The following CFAP52 variants were observed in gnomAD, a reference collection of about 807,000 sequenced individuals.
The protein encoded by CFAP52 is cilia- and flagella-associated protein 52.
Under a neutral mutation model 70.5 loss-of-function variants are expected in CFAP52, and 57 were observed. The observed-to-expected ratio is 0.81, with a 90% CI of 0.65 to 1.01. CFAP52 has a LOEUF of 1.01. Among genes scored for constraint, CFAP52 ranks in the 50% least tolerant of loss-of-function variants. The probability of loss-of-function intolerance (pLI) is 0.00; values close to 1 mark genes in which losing one functional copy is unlikely to be tolerated. For missense variants in CFAP52, 785 were observed against 788.5 expected (o/e 1.00, Z 0.05); for synonymous variants, 267 against 292.5 (o/e 0.91, Z 0.89).
intron 5 of CFAP52, chr17:9,598,559 C>T (rs760164540): frequency 8.4e-5 from 26 of 309,864 alleles, no homozygotes; most frequent in Middle Eastern, 8.7e-4. Context: ...GTCATGAGTT[C>T]GAGACCAGCC....
At chr17:9,624,073 T>C (rs924056859) in intron 8 of CFAP52, among the ~76,000 whole-genome samples, 59 of 152,216 alleles carry the variant, frequency 3.9e-4, no homozygotes, top group African/African-American at 1.4e-3. Flanking sequence ...TTTTCTTCTT[T>C]ATAATATGTC....
chr17:9,584,400 TA>T, intron 1 of CFAP52: 8 of 1,263,960 alleles, frequency 6.3e-6, no homozygotes, highest in South Asian at 1.3e-5. Context: ...AACCGAAAGT[TA>T]AAAAAATTAT....
At position 9,585,768 on chromosome 17, in the gene CFAP52, T is replaced by C; in HGVS notation, c.71-5T>C. ...TTATTATTACTGTGAATCTCTCTCT[T>C]TTAGGACATGTGCCCACTGGTCTCA... On this transcript the variant is annotated splice_region_variant and splice_polypyrimidine_tract_variant and intron_variant, in intron 1 of 13. Coordinates refer to ENST00000352665, the MANE Select transcript of CFAP52 (RefSeq NM_145054.5). 6.2e-7 allele frequency: 1 copy of C among 1,614,074 alleles called. No homozygotes were observed. Among genetic ancestry groups the C allele is most frequent in the East Asian group, 2.2e-5 (1 of 44,884 alleles).
intron 6 of CFAP52, 53 bp from the exon 7 acceptor site, chr17:9,608,066 G>T (rs945718411): frequency 6.8e-7 from 1 of 1,481,434 alleles, no homozygotes; most frequent in Non-Finnish European, 9.3e-7. Flanking sequence ...ACATTCTTTA[G>T]TGGTGATTTG....
At chr17:9,603,266 T>C (rs754520869) in intron 6 of CFAP52, among the ~76,000 whole-genome samples, 43 of 152,204 alleles carry the variant, frequency 2.8e-4, no homozygotes, top group African/African-American at 1.0e-3. Flanking sequence ...TGGAGTGCAG[T>C]GGCACTATCT....
At chr17:9,589,162 A>G (rs868025077) in intron 3 of CFAP52, among the ~76,000 whole-genome samples, 1 of 152,232 alleles carries the variant, frequency 6.6e-6, no homozygotes, top group East Asian at 1.9e-4. Flanking sequence ...AGACATTCCT[A>G]TGTAAATGTC....
rs751394782 is a variant in CFAP52 at position 9,586,731 on chromosome 17, G to A, written c.304G>A (p.Glu102Lys). Residue 102 changes from glutamate to lysine, a missense_variant, in exon 3 of 14, where the codon GAG (glutamate) becomes AAG (lysine). Glu to Lys is a moderately conservative substitution (Grantham distance 56). Transcript: ENST00000352665. ...DIILWDYKNR[E>K]LLARLSLHKG... ...CATTTTGTGGGATTATAAGAACAGAGAGCTGCTTGCTCGGCTGTCCCTTCA... is the reference window on the plus strand; with the variant it reads ...CATTTTGTGGGATTATAAGAACAGAAAGCTGCTTGCTCGGCTGTCCCTTCA... 1 of 1,613,474 alleles carries A rather than the reference G, an allele frequency of 6.2e-7. No individual in the cohort carries two copies. Among genetic ancestry groups the A allele is most frequent in the African/African-American group, 1.3e-5 (1 of 74,856 alleles).
intron 1 of CFAP52, among the ~76,000 whole-genome samples, chr17:9,583,242 AACAT>A (rs1284557772): frequency 1.3e-5 from 2 of 152,178 alleles, no homozygotes; most frequent in African/African-American, 2.4e-5. Flanking sequence ...GTATTATAAG[AACAT>A]ACTGCATAAA....
At chr17:9,622,760 C>T (rs895038853) in intron 8 of CFAP52, among the ~76,000 whole-genome samples, 1 of 152,050 alleles carries the variant, frequency 6.6e-6, no homozygotes, top group Non-Finnish European at 1.5e-5. Context: ...ACCTCAGTGA[C>T]TTATCACACC....
At chr17:9,594,832 G>A (rs141474394) in intron 4 of CFAP52, among the ~76,000 whole-genome samples, 7 of 151,308 alleles carry the variant, frequency 4.6e-5, no homozygotes, top group East Asian at 1.9e-4. Flanking sequence ...CTAAGGGAGG[G>A]AATAAATTAA....
At position 9,593,001 on chromosome 17, in the gene CFAP52, G is replaced by T. The variant is rs947304206; in HGVS notation, c.408-1192G>T. Among the ~76,000 whole-genome samples the T allele has an allele frequency of 4.6e-5, 7 of 152,262 alleles. No homozygotes were observed. In the South Asian group the frequency reaches 1.4e-3, roughly 32 times the overall value. On this transcript the variant is annotated intron_variant, in intron 3 of 13. Transcript: ENST00000352665. ...TTAATGTCCCACTGTGGAAAAGGGA[G>T]AATTTATGGCTATTATATGACTTCC...
intron 4 of CFAP52, among the ~76,000 whole-genome samples, chr17:9,596,149 G>T (rs937366231): frequency 6.8e-6 from 1 of 146,718 alleles, no homozygotes; most frequent in East Asian, 2.0e-4. Flanking sequence ...GCCCAGGCTG[G>T]AGTGCAATGG....
chr17:9,585,054 T>C (rs943850718), intron 1 of CFAP52, among the ~76,000 whole-genome samples: 1 of 152,222 alleles, frequency 6.6e-6, no homozygotes, highest in Non-Finnish European at 1.5e-5. Context: ...AACCTTTGCC[T>C]GAGGTAGTTG....
At chr17:9,600,316 A>G in intron 6 of CFAP52, 133 bp downstream of exon 6, 1 of 763,382 alleles carries the variant, frequency 1.3e-6, no homozygotes, top group Non-Finnish European at 2.2e-6. Flanking sequence ...ATCTTGGCTC[A>G]CTGCAACTTC....
chr17:9,608,074 T>A, intron 6 of CFAP52, 45 bp from the exon 7 acceptor site: 1 of 1,529,798 alleles, frequency 6.5e-7, no homozygotes, highest in Non-Finnish European at 9.0e-7. Flanking sequence ...TAGTGGTGAT[T>A]TGTGAGATTT....
At chr17:9,637,040 G>C (rs183814932) in intron 11 of CFAP52, among the ~76,000 whole-genome samples, 1 of 151,902 alleles carries the variant, frequency 6.6e-6, no homozygotes, top group East Asian at 1.9e-4. Context: ...GTGAGACTTC[G>C]TATCAAAAAA....
intron 10 of CFAP52, among the ~76,000 whole-genome samples, chr17:9,633,826 G>A (rs1330990822): frequency 2.6e-5 from 4 of 151,738 alleles, no homozygotes; most frequent in Non-Finnish European, 4.4e-5. Context: ...ACAGGTGCCT[G>A]CCACCACGCC....
chr17:9,641,848 A>G lies in CFAP52; in HGVS notation c.1687+13A>G. On this transcript the variant is annotated intron_variant, in intron 13 of 13. Coordinates refer to ENST00000352665, the MANE Select transcript of CFAP52 (RefSeq NM_145054.5). ...CACTTTGTCACAGGTTAGTCCTGGG[A>G]TAGGAAAAAGCCAAGCCTGGCTTAT... The G allele has an allele frequency of 1.2e-6, 2 of 1,609,888 alleles. No homozygotes were observed. Among genetic ancestry groups the G allele is most frequent in the South Asian group, 1.1e-5 (1 of 90,882 alleles).
chr17:9,579,107 T>C (rs542901507), intron 1 of CFAP52, among the ~76,000 whole-genome samples: 5 of 152,038 alleles, frequency 3.3e-5, no homozygotes, highest in Non-Finnish European at 5.9e-5. Flanking sequence ...AGCGTGGGGA[T>C]TGGGGAGCTT....
Sources: gnomAD v4.1 joint callset for allele counts (sites outside exome capture counted in the v4.1 genomes callset) on GRCh38, gnomAD v4.1.1 for gene constraint, MANE v1.5 for transcripts, NCBI Gene and HGNC (gene_info 2026-07-23, HGNC 2026-07-21) for gene names.